Variants in ARFGAP1 observed in about 807,000 individuals in gnomAD.
ARFGAP1 encodes ARF GTPase activating protein 1.
ARFGAP1 carries 26 observed loss-of-function variants against 54.0 expected under a neutral mutation model. The ratio of observed to expected loss-of-function variants is 0.48; its 90% CI spans 0.35 to 0.67. The LOEUF (loss-of-function observed/expected upper bound fraction) is 0.67. Among genes scored for constraint, ARFGAP1 ranks in the 30% least tolerant of loss-of-function variants. The pLI is 0.00. For missense variants in ARFGAP1, 525 were observed against 535.8 expected (o/e 0.98, Z 0.20); for synonymous variants, 248 against 211.9 (o/e 1.17, Z -1.48).
At chr20:63,281,568 G>T (rs982101175) in intron 8 of ARFGAP1, among the ~76,000 whole-genome samples, 1 of 152,184 alleles carries the variant, frequency 6.6e-6, no homozygotes, top group African/African-American at 2.4e-5. Context: ...AGCTGCTCCT[G>T]TGTCAGACCA....
chr20:63,274,168 A>G (rs1228488464), intron 1 of ARFGAP1: 1 of 152,262 alleles, frequency 6.6e-6, no homozygotes, highest in Non-Finnish European at 1.5e-5. Context: ...AAGGGAGCCC[A>G]GGGTGAACTT....
chr20:63,283,912 C>T (rs746028561), intron 9 of ARFGAP1: 43 of 1,611,786 alleles, frequency 2.7e-5, no homozygotes, highest in South Asian at 2.1e-4. Context: ...GCATGCCGCC[C>T]GCATCTCCGC....
Position 63,287,913 on chromosome 20 carries a change from TC to T in ARFGAP1, c.*41del, listed in dbSNP as rs2067607359. 6.8e-7 allele frequency: 1 copy of T among 1,467,166 alleles called. No individual in the cohort carries two copies. 90.9% of individuals were successfully genotyped at this position (1,467,166 alleles called of 1,614,324 possible). ...CCGTCCCCAGCGCCCCCGGGCGACT[TC>T]GTGTTTGCACTCTGCCCTCGTCGTT... On this transcript the variant is annotated 3_prime_UTR_variant, in exon 13 of 13. Coordinates refer to ENST00000370283, the MANE Select transcript of ARFGAP1 (RefSeq NM_018209.4).
chr20:63,285,277 A>T (rs2067500724), intron 10 of ARFGAP1, among the ~76,000 whole-genome samples: 1 of 152,026 alleles, frequency 6.6e-6, no homozygotes, highest in Non-Finnish European at 1.5e-5. Flanking sequence ...TGCCCAGAGG[A>T]GGCTCTGGTA....
At chr20:63,286,475 C>T (rs1392558805) in intron 12 of ARFGAP1, 33 bp downstream of exon 12, 1 of 1,598,540 alleles carries the variant, frequency 6.3e-7, no homozygotes. Flanking sequence ...CCTTGCATCC[C>T]ACTCCCCTGC....
Position 63,287,933 on chromosome 20 carries a change from C to A in ARFGAP1, c.*60C>A. The stretch of plus-strand genomic sequence containing the variant: ...CGACTTCGTGTTTGCACTCTGCCCT[C>A]GTCGTTCCTCCTCCTTCCATTTGAC... On this transcript the variant is annotated 3_prime_UTR_variant, in exon 13 of 13. Transcript: ENST00000370283. 1 of 1,435,290 alleles carries A rather than the reference C, an allele frequency of 7.0e-7. No individual in the cohort carries two copies. The highest frequency in any genetic ancestry group is 9.2e-7 in the Non-Finnish European group (1 of 1,089,450). The allele number at this position is 1,435,290 out of a possible 1,614,324, so 88.9% of individuals were successfully genotyped here. A position where few individuals can be genotyped will look rare whatever the true frequency, so the allele number is the denominator to read the frequency against.
In ARFGAP1 at chr20:63,288,219, T is replaced by C; in HGVS notation, c.*346T>C. The C allele has an allele frequency of 1.8e-6, 1 of 558,652 alleles. No individual in the cohort carries two copies. The highest frequency in any genetic ancestry group is 3.4e-6 in the Non-Finnish European group (1 of 294,362). The allele number at this position is 558,652 out of a possible 1,614,324, so 34.6% of individuals were successfully genotyped here. On this transcript the variant is annotated 3_prime_UTR_variant, in exon 13 of 13. Coordinates refer to ENST00000370283, the MANE Select transcript of ARFGAP1 (RefSeq NM_018209.4). ...CCAGCGGCCAGTTCACTACGCAGTA[T>C]CTCTGGGGCCTGGGACCAGCCACGT...
In ARFGAP1 at chr20:63,281,273, C is replaced by T. The variant is rs775389561; in HGVS notation, c.628-18C>T. Reference sequence around the variant, plus strand: ...GGGTCCCAGTCCTGATGTGGCTGCTCTTTGTCGCCTCCCTCAGGGCTGGAG... The same window carrying T: ...GGGTCCCAGTCCTGATGTGGCTGCTTTTTGTCGCCTCCCTCAGGGCTGGAG... On this transcript the variant is annotated intron_variant, in intron 7 of 12. Transcript: ENST00000370283. The T allele has an allele frequency of 3.1e-6, 5 of 1,592,316 alleles. No homozygotes were observed. The Middle Eastern group carries it at 5.0e-4, about 158-fold the overall frequency.
In ARFGAP1 at chr20:63,288,480, A is replaced by G; in HGVS notation, c.*607A>G. ...CCCTCTGTGGCTCCCCTGCATCAGC[A>G]CCGTCCCACCACCAAGTTCACCAGG... On this transcript the variant is annotated 3_prime_UTR_variant, in exon 13 of 13. Coordinates refer to ENST00000370283, the MANE Select transcript of ARFGAP1 (RefSeq NM_018209.4). 1 of 455,928 alleles carries G rather than the reference A, an allele frequency of 2.2e-6. No individual in the cohort carries two copies. Among genetic ancestry groups the G allele is most frequent in the Non-Finnish European group, 4.4e-6 (1 of 226,744 alleles). The allele number at this position is 455,928 out of a possible 1,614,324, so 28.2% of individuals were successfully genotyped here.
At chr20:63,281,665 C>T (rs1347296596) in intron 8 of ARFGAP1, among the ~76,000 whole-genome samples, 1 of 152,202 alleles carries the variant, frequency 6.6e-6, no homozygotes, top group Non-Finnish European at 1.5e-5. Context: ...CCAAGCAGGG[C>T]AGGTCTCCGG....
chr20:63,283,219 C>CG, intron 9 of ARFGAP1: 1 of 354,900 alleles, frequency 2.8e-6, no homozygotes, highest in Non-Finnish European at 5.2e-6. Flanking sequence ...GTGCCTGCGG[C>CG]ACACTGGACG....
Position 63,276,925 on chromosome 20 carries a change from C to G in ARFGAP1, c.342+274C>G, listed in dbSNP as rs1338864912. Among the ~76,000 whole-genome samples, 1 of 152,210 alleles carries G rather than the reference C, an allele frequency of 6.6e-6. No individual in the cohort carries two copies. The highest frequency in any genetic ancestry group is 1.5e-5 in the Non-Finnish European group (1 of 68,032). ...CTGTGACATGTTGGGCACAGTGTTT[C>G]TAAGAAGTCTGGAGGCCAAATAGGT... On this transcript the variant is annotated intron_variant, in intron 4 of 12. Transcript: ENST00000370283. This position sits in a 1 kb window ranked among gnomAD's most constrained non-coding sequence, Gnocchi z 5.2.
At chr20:63,273,211 C>T (rs1039782589) in intron 1 of ARFGAP1, 6 of 151,980 alleles carry the variant, frequency 3.9e-5, no homozygotes, top group African/African-American at 9.7e-5. Flanking sequence ...TCCACCCGCA[C>T]CCCGGATCTG....
chr20:63,273,089 A>T lies in ARFGAP1; in HGVS notation c.-5+169A>T, dbSNP rs1251682668. 3.2e-5 allele frequency: 3 copies of T among 94,748 alleles called. No homozygotes were observed. In the East Asian group the frequency reaches 8.2e-4, roughly 26 times the overall value. 5.9% of individuals were successfully genotyped at this position (94,748 alleles called of 1,614,324 possible). A position where few individuals can be genotyped will look rare whatever the true frequency, so the allele number is the denominator to read the frequency against. On this transcript the variant is annotated intron_variant, in intron 1 of 12. Transcript: ENST00000370283. ...GGGGGCGCCCACCCTGACCTCCCCCAGTTCCCTCGGCGCTGGGCGGCGGGG... is the reference window on the plus strand; with the variant it reads ...GGGGGCGCCCACCCTGACCTCCCCCTGTTCCCTCGGCGCTGGGCGGCGGGG...
Position 63,284,892 on chromosome 20 carries a change from C to T in ARFGAP1, c.744C>T (p.Asn248=), listed in dbSNP as rs143810518. 2.8e-5 allele frequency: 45 copies of T among 1,613,182 alleles called. No homozygotes were observed. Among genetic ancestry groups the T allele is most frequent in the Non-Finnish European group, 3.4e-5 (40 of 1,179,944 alleles). ...QKASELGHSL[N]ENVLKPAQEK... is the part of the protein sequence containing the mutation. ...CGTCCGAGCTGGGCCACAGCCTGAACGAGAACGTCCTCAAGCCTGCGCAGG... is the reference window on the plus strand; with the variant it reads ...CGTCCGAGCTGGGCCACAGCCTGAATGAGAACGTCCTCAAGCCTGCGCAGG... Residue 248 remains asparagine (N), a synonymous_variant, in exon 10 of 13, where the codon AAC becomes AAT. Coordinates refer to ENST00000370283, the MANE Select transcript of ARFGAP1 (RefSeq NM_018209.4).
At chr20:63,279,157 G>T (rs900243052) in intron 7 of ARFGAP1, 162 bp downstream of exon 7, 572 of 746,050 alleles carry the variant, frequency 7.7e-4, no homozygotes, top group Non-Finnish European at 1.1e-3. Context: ...TTTCAAAAAT[G>T]TGGCTTAAAT....
chr20:63,277,234 G>T lies in ARFGAP1; in HGVS notation c.372G>T (p.Trp124Cys). ...KVVALAEGRE[W>C]SLESSPAQNW... ...TCGCTCTGGCCGAAGGCAGAGAGTG[G>T]TCTCTGGAGTCATCACCTGCCCAGA... Residue 124 changes from tryptophan (W) to cysteine (C), a missense_variant, in exon 5 of 13, where the codon TGG (tryptophan) becomes TGT (cysteine). Around this residue, in one of 3 missense-constraint regions of ARFGAP1, gnomAD observed 466 missense variants for 453.6 expected, o/e 1.03. Coordinates refer to ENST00000370283, the MANE Select transcript of ARFGAP1 (RefSeq NM_018209.4). The T allele has an allele frequency of 6.2e-7, 1 of 1,612,956 alleles. No homozygotes were observed. The highest frequency in any genetic ancestry group is 8.5e-7 in the Non-Finnish European group (1 of 1,179,912).
rs2067282585 is a variant in ARFGAP1, at chr20:63,278,214, G to C, written c.530+11G>C. Reference sequence around the variant, plus strand: ...CGGCTCCTATCAAGGGTAAGGACTTGAGAGCTGGGGACGCCTGGCGTGGGC... The same window carrying C: ...CGGCTCCTATCAAGGGTAAGGACTTCAGAGCTGGGGACGCCTGGCGTGGGC... On this transcript the variant is annotated intron_variant, in intron 6 of 12. Coordinates refer to ENST00000370283, the MANE Select transcript of ARFGAP1 (RefSeq NM_018209.4). 2 of 1,612,268 alleles carry C rather than the reference G, an allele frequency of 1.2e-6. No individual in the cohort carries two copies. The highest frequency in any genetic ancestry group is 1.3e-5 in the African/African-American group (1 of 75,064).
chr20:63,277,680 G>A (rs2067269476), intron 5 of ARFGAP1, among the ~76,000 whole-genome samples: 2 of 152,172 alleles, frequency 1.3e-5, no homozygotes, highest in South Asian at 4.1e-4. Context: ...CGTCATGGAT[G>A]CGTCCCACAT....
Sources: gnomAD v4.1 joint callset for allele counts (sites outside exome capture counted in the v4.1 genomes callset) on GRCh38, gnomAD v4.1.1 for gene constraint, gnomAD v4.1.1 regional missense constraint, Gnocchi (gnomAD v3.1) non-coding constraint, MANE v1.5 for transcripts, NCBI Gene and HGNC (gene_info 2026-07-23, HGNC 2026-07-21) for gene names.